FKBP5: variants seen among roughly 807,000 people sequenced by gnomAD.
The protein encoded by FKBP5 is FKBP prolyl isomerase 5.
In FKBP5, 23 loss-of-function variants were observed where a neutral mutation model predicts 50.5. That is an observed-to-expected ratio of 0.46 (90% confidence interval 0.33 to 0.65). The LOEUF (loss-of-function observed/expected upper bound fraction) is 0.65. Among genes scored for constraint, FKBP5 ranks in the 30% least tolerant of loss-of-function variants. The probability of loss-of-function intolerance (pLI) is 0.02; values close to 1 mark genes in which losing one functional copy is unlikely to be tolerated. For synonymous variants in FKBP5, 176 were observed against 190.6 expected (o/e 0.92, Z 0.63); for missense variants, 411 against 553.1 (o/e 0.74, Z 2.58).
intron 1 of FKBP5, among the ~76,000 whole-genome samples, chr6:35,683,115 CGTATATGTGTGTGTGTGTGTGTGTGTGT>C (rs1302881428): frequency 8.9e-5 from 5 of 56,236 alleles, no homozygotes; most frequent in African/African-American, 2.3e-4. Context: ...TATATATATA[CGTATATGTGTGTGTGTGTGTGTGTGTGT>C]GTGTGTGTGT....
chr6:35,579,182 T>TCC (rs1277972651), intron 9 of FKBP5, among the ~76,000 whole-genome samples: 2 of 150,770 alleles, frequency 1.3e-5, no homozygotes, highest in African/African-American at 4.9e-5. Flanking sequence ...TCTCTCTCTC[T>TCC]CCGCTCTGTA....
At chr6:35,726,043 G>T (rs1766703608) in intron 1 of FKBP5, among the ~76,000 whole-genome samples, 1 of 152,204 alleles carries the variant, frequency 6.6e-6, no homozygotes, top group African/African-American at 2.4e-5. Context: ...GTATGCATGG[G>T]GGTGTTTGGG....
intron 1 of FKBP5, among the ~76,000 whole-genome samples, chr6:35,726,536 C>CCACACACACACACACACA (rs10599241): frequency 1.4e-5 from 2 of 139,350 alleles, no homozygotes; most frequent in African/African-American, 2.7e-5. Flanking sequence ...TCCTCCTCCT[C>CCACACACACACACACACA]CACACACACA....
intron 1 of FKBP5, among the ~76,000 whole-genome samples, chr6:35,646,493 T>C (rs1764633898): frequency 6.6e-6 from 1 of 152,192 alleles, no homozygotes; most frequent in Non-Finnish European, 1.5e-5. Flanking sequence ...TTAATTCCAG[T>C]TAAGCCATTA....
chr6:35,592,585 A>G (rs1327511655), intron 6 of FKBP5, among the ~76,000 whole-genome samples: 1 of 152,212 alleles, frequency 6.6e-6, no homozygotes, highest in African/African-American at 2.4e-5. Context: ...AAATTCCTTA[A>G]CTACCCAGGT....
chr6:35,707,872 G>A (rs144256354), intron 2 of FKBP5, among the ~76,000 whole-genome samples: 85 of 152,246 alleles, frequency 5.6e-4, no homozygotes, highest in African/African-American at 1.9e-3. Flanking sequence ...TTCTGGCAAA[G>A]GATATGATCT....
chr6:35,642,624 A>G lies in FKBP5; in HGVS notation c.105+96T>C, dbSNP rs112103099. 4.3e-5 allele frequency: 38 copies of G among 881,712 alleles called. No homozygotes were observed. The African/African-American group carries it at 4.7e-4, about 11-fold the overall frequency. 54.6% of individuals were successfully genotyped at this position (881,712 alleles called of 1,614,324 possible). ...AGTGTTTGGCACTTAGTAACCATCA[A>G]TAAACATTATCCACCCCAGCCCCCC... On this transcript the variant is annotated intron_variant, in intron 2 of 10. Transcript: ENST00000357266.
intron 3 of FKBP5, among the ~76,000 whole-genome samples, chr6:35,622,328 T>A (rs148754368): frequency 6.6e-6 from 1 of 151,944 alleles, no homozygotes; most frequent in Non-Finnish European, 1.5e-5. Context: ...CAGGGCAACA[T>A]AGTGAAACTC....
chr6:35,601,160 C>G (rs2150966199), intron 5 of FKBP5, among the ~76,000 whole-genome samples: 1 of 151,882 alleles, frequency 6.6e-6, no homozygotes, highest in East Asian at 1.9e-4. Flanking sequence ...CTTTTTTTTC[C>G]TGGTAAATCT....
chr6:35,596,223 C>T (rs915436666), intron 6 of FKBP5, among the ~76,000 whole-genome samples: 23 of 152,024 alleles, frequency 1.5e-4, no homozygotes, highest in East Asian at 5.8e-4. Context: ...GGCATGGTGG[C>T]GGGTGCCTGT....
chr6:35,632,967 T>C (rs1036326318), intron 3 of FKBP5, among the ~76,000 whole-genome samples: 2 of 152,014 alleles, frequency 1.3e-5, no homozygotes, highest in Non-Finnish European at 2.9e-5. Context: ...AAAAGACATA[T>C]ACAAAGCAAG....
intron 3 of FKBP5, among the ~76,000 whole-genome samples, chr6:35,623,387 A>T (rs531109398): frequency 2.1e-4 from 32 of 152,354 alleles, no homozygotes; most frequent in African/African-American, 3.6e-4. Flanking sequence ...TAATGGGTGT[A>T]TAATACTACA....
chr6:35,658,237 T>C (rs759914416), intron 1 of FKBP5, among the ~76,000 whole-genome samples: 94 of 151,994 alleles, frequency 6.2e-4, no homozygotes, highest in Non-Finnish European at 1.2e-3. Flanking sequence ...TAACCGGGCG[T>C]GGTGGCGGGC....
At chr6:35,616,484 A>C in intron 5 of FKBP5, among the ~76,000 whole-genome samples, 1 of 152,096 alleles carries the variant, frequency 6.6e-6, no homozygotes, top group Non-Finnish European at 1.5e-5. Context: ...ATGTACTGTG[A>C]TTAGGTAAGA....
chr6:35,602,371 T>C (rs868009926), intron 5 of FKBP5, among the ~76,000 whole-genome samples: 1 of 152,140 alleles, frequency 6.6e-6, no homozygotes. Context: ...TGGTGTCTGA[T>C]AGCTTTGCAC....
chr6:35,629,666 A>G (rs769109492), intron 3 of FKBP5, among the ~76,000 whole-genome samples: 1 of 152,158 alleles, frequency 6.6e-6, no homozygotes, highest in Non-Finnish European at 1.5e-5. Flanking sequence ...ATAGCACCAC[A>G]ACACTGTACT....
chr6:35,580,235 G>A lies in FKBP5; in HGVS notation c.841-14C>T, dbSNP rs769766452. The stretch of plus-strand genomic sequence containing the variant: ...GTATTTGCCTCCCTAGGATAAAAAA[G>A]CGTCATTACTTGTACTCAGCTCTTG... On this transcript the variant is annotated splice_polypyrimidine_tract_variant and intron_variant, in intron 8 of 10. Coordinates refer to ENST00000357266, the MANE Select transcript of FKBP5 (RefSeq NM_004117.4). The A allele has an allele frequency of 1.2e-6, 2 of 1,604,856 alleles. No individual in the cohort carries two copies. The highest frequency in any genetic ancestry group is 1.7e-6 in the Non-Finnish European group (2 of 1,173,960).
chr6:35,586,401 CAGTTTGTTTTGA>C, intron 8 of FKBP5: 18 of 985,192 alleles, frequency 1.8e-5, no homozygotes, highest in Non-Finnish European at 2.0e-5. Flanking sequence ...ACTCTCCTGT[CAGTTTGTTTTGA>C]AATTTGTGCA....
intron 3 of FKBP5, among the ~76,000 whole-genome samples, chr6:35,622,293 T>C (rs765505107): frequency 7.2e-5 from 11 of 152,134 alleles, no homozygotes; most frequent in Non-Finnish European, 1.5e-4. Flanking sequence ...AGCATCCACT[T>C]GAGCCCAAGA....
Sources: allele counts gnomAD v4.1 joint callset (sites outside exome capture counted in the v4.1 genomes callset), GRCh38; gene constraint gnomAD v4.1.1; transcripts MANE v1.5; gene names NCBI Gene and HGNC (gene_info 2026-07-23, HGNC 2026-07-21).